The following CDH3 variants were observed in gnomAD, a reference collection of about 807,000 sequenced individuals.
CDH3 encodes the protein cadherin-3.
CDH3 carries 54 observed loss-of-function variants against 82.0 expected under a neutral mutation model. The observed-to-expected ratio is 0.66, with a 90% CI of 0.53 to 0.83. CDH3 has a LOEUF of 0.83. CDH3 is among the 40% of genes least tolerant of loss of function. The pLI, the probability that CDH3 is intolerant of heterozygous loss-of-function variation, is 0.00. For missense variants in CDH3, 1,054 were observed against 1,084.6 expected, an observed-to-expected ratio of 0.97 and a Z score of 0.40; for synonymous variants, 446 against 437.9, an observed-to-expected ratio of 1.02 and a Z score of -0.23.
chr16:68,679,422 G>A (rs1961139878), intron 6 of CDH3, among the ~76,000 whole-genome samples: 3 of 152,166 alleles, frequency 2.0e-5, no homozygotes, highest in South Asian at 2.1e-4. Flanking sequence ...GGCTGGGCGC[G>A]GTGGCCCACG....
At chr16:68,691,119 C>A (rs1961561307) in intron 12 of CDH3, among the ~76,000 whole-genome samples, 1 of 147,374 alleles carries the variant, frequency 6.8e-6, no homozygotes, top group South Asian at 2.1e-4. Context: ...GATTCTCCTG[C>A]CTCAGCCTCC....
chr16:68,700,213 T>G lies in CDH3; in HGVS notation c.*1813T>G, dbSNP rs1250210727. The G allele has an allele frequency of 3.3e-5, 5 of 152,242 alleles. No individual in the cohort carries two copies. The highest frequency in any genetic ancestry group is 6.5e-5 in the Admixed American group (1 of 15,286). 9.4% of individuals were successfully genotyped at this position (152,242 alleles called of 1,614,324 possible). A position where few individuals can be genotyped will look rare whatever the true frequency, so the allele number is the denominator to read the frequency against. On this transcript the variant is annotated 3_prime_UTR_variant, in exon 16 of 16. Transcript: ENST00000264012. ...GCCCTTGTTAACGTGAAGTTCAAAG[T>G]CATCTTTGCAATTAGCCAAAAGAAT...
At chr16:68,650,240 T>C (rs570867697) in intron 2 of CDH3, among the ~76,000 whole-genome samples, 2 of 152,204 alleles carry the variant, frequency 1.3e-5, no homozygotes, top group East Asian at 3.9e-4. Flanking sequence ...TCCCCTCTCC[T>C]AGGGGACTCA....
chr16:68,722,183 T>G (rs1962172373), intron 1 of CDH3, among the ~76,000 whole-genome samples: 1 of 152,208 alleles, frequency 6.6e-6, no homozygotes, highest in Non-Finnish European at 1.5e-5. Flanking sequence ...TGTCTGTTTA[T>G]TCCATCAGAT....
rs1961862038 is a variant in CDH3, at chr16:68,699,889, T to C, written c.*1489T>C. 1 of 152,190 alleles carries C rather than the reference T, an allele frequency of 6.6e-6. No individual in the cohort carries two copies. The highest frequency in any genetic ancestry group is 1.5e-5 in the Non-Finnish European group (1 of 68,030). The allele number at this position is 152,190 out of a possible 1,614,324, so 9.4% of individuals were successfully genotyped here. ...AAGTGAATTAATATCTGGCACATGG[T>C]CCATGCAATCTGTTAGTTGGTAACA... On this transcript the variant is annotated 3_prime_UTR_variant, in exon 16 of 16. Coordinates refer to ENST00000264012, the MANE Select transcript of CDH3 (RefSeq NM_001793.6).
At chr16:68,658,052 C>CTTTT (rs1330893264) in intron 2 of CDH3, among the ~76,000 whole-genome samples, 6 of 145,982 alleles carry the variant, frequency 4.1e-5, no homozygotes, top group Admixed American at 6.9e-5. Context: ...ATCTCCCAGT[C>CTTTT]TTTTTCTTTC....
chr16:68,690,132 G>C (rs1048851897), intron 12 of CDH3, among the ~76,000 whole-genome samples: 1 of 152,282 alleles, frequency 6.6e-6, no homozygotes, highest in East Asian at 1.9e-4. Flanking sequence ...GCTGGGCCTG[G>C]CTTCTGCTCT....
At chr16:68,714,637 C>T (rs909384097) in intron 1 of CDH3, among the ~76,000 whole-genome samples, 22 of 152,144 alleles carry the variant, frequency 1.4e-4, no homozygotes, top group African/African-American at 4.8e-4. Flanking sequence ...TCTCGCCCAC[C>T]GAAGGTCCCT....
intron 2 of CDH3, among the ~76,000 whole-genome samples, chr16:68,664,572 A>G (rs970436336): frequency 1.3e-5 from 2 of 151,974 alleles, no homozygotes; most frequent in African/African-American, 4.8e-5. Context: ...CTGCTCTGTG[A>G]CAACATTAAG....
chr16:68,708,767 C>T (rs1961994720), intron 1 of CDH3, among the ~76,000 whole-genome samples: 1 of 152,088 alleles, frequency 6.6e-6, no homozygotes, highest in Non-Finnish European at 1.5e-5. Flanking sequence ...CCTCAGCCTC[C>T]TGAGTAGCTG....
intron 10 of CDH3, 31 bp downstream of exon 10, chr16:68,684,855 C>G: frequency 6.2e-7 from 1 of 1,613,526 alleles, no homozygotes; most frequent in Non-Finnish European, 8.5e-7. Context: ...GTAAGCAGCA[C>G]GTACTGGTAC....
chr16:68,684,684 G>A lies in CDH3; in HGVS notation c.1284G>A (p.Val428=), dbSNP rs911987634. 1.2e-5 allele frequency: 20 copies of A among 1,614,078 alleles called. No individual in the cohort carries two copies. Among genetic ancestry groups the A allele is most frequent in the Non-Finnish European group, 1.7e-5 (20 of 1,180,052 alleles). The part of the protein sequence containing the change: ...LKLPTSTATI[V]VHVEDVNEAP... Reference sequence around the variant, plus strand: ...TCCCAACCTCCACAGCCACCATAGTGGTCCACGTGGAGGATGTGAATGAGG... The same window carrying A: ...TCCCAACCTCCACAGCCACCATAGTAGTCCACGTGGAGGATGTGAATGAGG... The change falls in exon 10 of 16, where the codon GTG becomes GTA. Residue 428 remains valine, a synonymous_variant. Transcript: ENST00000264012.
intron 12 of CDH3, 28 bp from the exon 13 acceptor site, chr16:68,691,692 C>T: frequency 6.3e-7 from 1 of 1,582,492 alleles, no homozygotes; most frequent in Non-Finnish European, 8.7e-7. Flanking sequence ...ATGGTTCCCA[C>T]AGCTAATCAA....
chr16:68,687,238 AAC>A (rs1190620500), intron 11 of CDH3, among the ~76,000 whole-genome samples: 1 of 152,154 alleles, frequency 6.6e-6, no homozygotes, highest in African/African-American at 2.4e-5. Flanking sequence ...CTGATCGACA[AAC>A]ACTGGAGTAA....
downstream of CDH3, among the ~76,000 whole-genome samples, chr16:68,731,386 AAAAAAAAAAATATATAT>A (rs1962286061): frequency 1.1e-4 from 3 of 26,194 alleles, 1 homozygote; most frequent in Non-Finnish European, 2.2e-4. Flanking sequence ...AAAAAAAAAA[AAAAAAAAAAATATATAT>A]ATATATATAT....
chr16:68,709,288 T>G (rs1372448261), intron 1 of CDH3, among the ~76,000 whole-genome samples: 1 of 152,178 alleles, frequency 6.6e-6, no homozygotes, highest in Non-Finnish European at 1.5e-5. Context: ...TTGCCCAGGC[T>G]GGTCTCGATC....
intron 2 of CDH3, among the ~76,000 whole-genome samples, chr16:68,647,608 A>C (rs1960114521): frequency 6.6e-6 from 1 of 152,194 alleles, no homozygotes; most frequent in South Asian, 2.1e-4. Context: ...ACTCCCTGCC[A>C]CACGGCTGGG....
Position 68,649,426 on chromosome 16 carries a change from T to A in CDH3, c.160+3676T>A, listed in dbSNP as rs142455944. On this transcript the variant is annotated intron_variant, in intron 2 of 15. Coordinates refer to ENST00000264012, the MANE Select transcript of CDH3 (RefSeq NM_001793.6). ...TCTGGGGTATGCCCTTTATTTCCAT[T>A]TCATTCTTCCTGTAAGCATATATTT... Among the ~76,000 whole-genome samples the A allele has an allele frequency of 2.6e-5, 4 of 152,322 alleles. No individual in the cohort carries two copies. The East Asian group carries it at 7.7e-4, about 29-fold the overall frequency.
At chr16:68,725,494 T>C (rs999738465) in intron 2 of CDH3, among the ~76,000 whole-genome samples, 18 of 151,782 alleles carry the variant, frequency 1.2e-4, no homozygotes, top group East Asian at 2.0e-4. Context: ...CCACCACGCC[T>C]GGCTAATTTT....
Sources: allele counts gnomAD v4.1 joint callset (sites outside exome capture counted in the v4.1 genomes callset), GRCh38; gene constraint gnomAD v4.1.1; transcripts MANE v1.5; gene names NCBI Gene and HGNC (gene_info 2026-07-23, HGNC 2026-07-21).